Variants in ZNF827 observed in about 807,000 individuals in gnomAD.
ZNF827 encodes zinc finger protein 827.
Under a neutral mutation model 102.4 loss-of-function variants are expected in ZNF827, and 13 were observed. The observed-to-expected ratio is 0.13, with a 90% CI of 0.08 to 0.20. The LOEUF is 0.20. ZNF827 is among the 10% of genes least tolerant of loss of function. The pLI is 1.00. For missense variants in ZNF827, 1,103 were observed against 1,344.4 expected, an observed-to-expected ratio of 0.82 and a Z score of 2.81; for synonymous variants, 523 against 536.2, an observed-to-expected ratio of 0.98 and a Z score of 0.34.
At chr4:145,792,118 G>T (rs1739793667) in intron 8 of ZNF827, among the ~76,000 whole-genome samples, 1 of 152,178 alleles carries the variant, frequency 6.6e-6, no homozygotes, top group African/African-American at 2.4e-5. Flanking sequence ...TGGACCTGGT[G>T]CTAAGGAGGC....
chr4:145,925,478 T>G (rs923505485), intron 1 of ZNF827, among the ~76,000 whole-genome samples: 1 of 152,212 alleles, frequency 6.6e-6, no homozygotes, highest in Non-Finnish European at 1.5e-5. Flanking sequence ...ATTTGACTTA[T>G]CCTCTGTGAT....
At chr4:145,938,131 G>C (rs1045876741) in intron 1 of ZNF827, among the ~76,000 whole-genome samples, 1 of 151,716 alleles carries the variant, frequency 6.6e-6, no homozygotes, top group Non-Finnish European at 1.5e-5. Flanking sequence ...AAGGGGGGGG[G>C]TGAGAGAAAG....
intron 11 of ZNF827, among the ~76,000 whole-genome samples, chr4:145,774,071 G>A (rs1736674835): frequency 6.6e-6 from 1 of 152,154 alleles, no homozygotes; most frequent in Non-Finnish European, 1.5e-5. Context: ...GCTGACCTTG[G>A]ATGGAATATC....
intron 1 of ZNF827, among the ~76,000 whole-genome samples, chr4:145,936,880 G>A (rs1754213117): frequency 6.6e-6 from 1 of 151,962 alleles, no homozygotes; most frequent in Non-Finnish European, 1.5e-5. Context: ...ATCGGGCTCC[G>A]AGCAGCGCCA....
At chr4:145,790,142 T>C (rs972226574) in intron 8 of ZNF827, among the ~76,000 whole-genome samples, 2 of 152,354 alleles carry the variant, frequency 1.3e-5, no homozygotes, top group African/African-American at 4.8e-5. Flanking sequence ...AAAGACTGTA[T>C]TAGGTGACAG....
chr4:145,823,991 C>A (rs1384364111), intron 7 of ZNF827, among the ~76,000 whole-genome samples: 1 of 152,162 alleles, frequency 6.6e-6, no homozygotes, highest in East Asian at 1.9e-4. Context: ...GGCCAGGGAC[C>A]AATACACTGA....
intron 8 of ZNF827, among the ~76,000 whole-genome samples, chr4:145,800,129 A>G (rs1361478056): frequency 6.6e-6 from 1 of 152,128 alleles, no homozygotes; most frequent in Non-Finnish European, 1.5e-5. Context: ...CTCTTTCTTG[A>G]GATTTCAATA....
rs1436673057 is a variant in ZNF827, at chr4:145,916,014, A to G, written c.44-12799T>C. ...AATCTCCTTTGACTCCATGTCCCCA[A>G]TCCCCTGTACACTGGGGTGGGGGTT... On this transcript the variant is annotated intron_variant, in intron 1 of 14. Transcript: ENST00000508784. Among the ~76,000 whole-genome samples the G allele has an allele frequency of 3.0e-4, 45 of 152,214 alleles. 1 individual carries two copies. The highest frequency in any genetic ancestry group is 1.5e-5 in the Non-Finnish European group (1 of 68,032).
At chr4:145,886,325 C>T (rs1010927358) in intron 3 of ZNF827, among the ~76,000 whole-genome samples, 167 bp from the exon 4 acceptor site, 3 of 152,174 alleles carry the variant, frequency 2.0e-5, no homozygotes, top group Non-Finnish European at 4.4e-5. Context: ...AATCCCTAAA[C>T]ATAAAGTGGG....
At position 145,849,411 on chromosome 4, in the gene ZNF827, A is replaced by G. The variant is rs143277821; in HGVS notation, c.2132T>C (p.Met711Thr). ...CTCTGGGGGTACTCTGCCCTCTGGC[A>G]TCTTCTGTAAGGGTTCGGTTTTCTC... ...GREKTEPLQK[M>T]PEGRVPPERN... The change falls in exon 6 of 15, where the codon ATG becomes ACG. Residue 711 changes from methionine (M) to threonine (T), a missense_variant. By Grantham distance (81) the Met-to-Thr change is moderately conservative. Coordinates refer to ENST00000508784, the MANE Select transcript of ZNF827 (RefSeq NM_001306215.2). 2.2e-5 allele frequency: 36 copies of G among 1,614,066 alleles called. No individual in the cohort carries two copies. In the African/African-American group the frequency reaches 3.7e-4, roughly 17 times the overall value.
rs993822423 is a variant in ZNF827, at chr4:145,889,838, G to A, written c.1266+2405C>T. On this transcript the variant is annotated intron_variant, in intron 3 of 14. Coordinates refer to ENST00000508784, the MANE Select transcript of ZNF827 (RefSeq NM_001306215.2). ...CTAAAAATACAAAAATTAGCCAGGC[G>A]TGGTGGCGGACGCCTGTAGTCCCAG... Among the ~76,000 whole-genome samples the A allele has an allele frequency of 2.0e-5, 3 of 152,050 alleles. No homozygotes were observed. The South Asian group carries it at 6.2e-4, about 32-fold the overall frequency.
chr4:145,792,083 T>C (rs1739786455), intron 8 of ZNF827, among the ~76,000 whole-genome samples: 1 of 152,224 alleles, frequency 6.6e-6, no homozygotes, highest in Non-Finnish European at 1.5e-5. Context: ...GGCCTCAAGA[T>C]TTCTATGAGA....
intron 8 of ZNF827, among the ~76,000 whole-genome samples, chr4:145,794,398 A>C (rs1253638343): frequency 1.3e-5 from 2 of 152,290 alleles, no homozygotes; most frequent in East Asian, 3.9e-4. Flanking sequence ...AGAGATATTT[A>C]CATTTGTCAC....
chr4:145,933,892 C>T (rs1457108194), intron 1 of ZNF827, among the ~76,000 whole-genome samples: 2 of 152,238 alleles, frequency 1.3e-5, no homozygotes, highest in African/African-American at 2.4e-5. Flanking sequence ...CAGTCCCATG[C>T]GTGGTAACGG....
rs576191655 is a variant in ZNF827, at chr4:145,765,177, G to A, written c.3053-12C>T. The A allele has an allele frequency of 7.5e-5, 119 of 1,593,544 alleles. No individual in the cohort carries two copies. The highest frequency in any genetic ancestry group is 8.5e-5 in the Admixed American group (5 of 59,020). On this transcript the variant is annotated splice_polypyrimidine_tract_variant and intron_variant, in intron 12 of 14. Coordinates refer to ENST00000508784, the MANE Select transcript of ZNF827 (RefSeq NM_001306215.2). The surrounding 1 kb of genome is among the most constrained non-coding windows in gnomAD (Gnocchi z 4.7). The stretch of plus-strand genomic sequence containing the variant: ...AACACATTCGAACCCTGCAAGGACC[G>A]AAGCTGGGTATAGAGGTGCACAGGG...
intron 5 of ZNF827, among the ~76,000 whole-genome samples, chr4:145,856,231 C>T (rs755711024): frequency 5.9e-5 from 9 of 152,066 alleles, no homozygotes; most frequent in African/African-American, 1.2e-4. Context: ...CCTGACCTCA[C>T]GTGATCTGTC....
At chr4:145,814,961 A>C (rs924773674) in intron 8 of ZNF827, among the ~76,000 whole-genome samples, 1 of 151,972 alleles carries the variant, frequency 6.6e-6, no homozygotes, top group Non-Finnish European at 1.5e-5. Flanking sequence ...CAAAACAAAA[A>C]AACCCAAAAA....
At chr4:145,823,146 C>A (rs1213447715) in intron 8 of ZNF827, among the ~76,000 whole-genome samples, 1 of 152,100 alleles carries the variant, frequency 6.6e-6, no homozygotes, top group East Asian at 1.9e-4. Context: ...GGTTATACTT[C>A]ATTATTTTAA....
Position 145,870,482 on chromosome 4 carries a change from T to G in ZNF827, c.1748-4A>C. ...ATGGGCTCCTTCTGATTTGCAGCTG[T>G]CAAAAGAAAAAAAGGGATTATATAT... On this transcript the variant is annotated splice_polypyrimidine_tract_variant and splice_region_variant and intron_variant, in intron 4 of 14. Coordinates refer to ENST00000508784, the MANE Select transcript of ZNF827 (RefSeq NM_001306215.2). The G allele has an allele frequency of 6.2e-7, 1 of 1,605,376 alleles. No homozygotes were observed. The highest frequency in any genetic ancestry group is 8.5e-7 in the Non-Finnish European group (1 of 1,177,724).
Sources: allele counts gnomAD v4.1 joint callset (sites outside exome capture counted in the v4.1 genomes callset), GRCh38; gene constraint gnomAD v4.1.1; non-coding constraint Gnocchi (gnomAD v3.1); transcripts MANE v1.5; gene names NCBI Gene and HGNC (gene_info 2026-07-23, HGNC 2026-07-21).